Variants in BMP6 observed in about 807,000 individuals in gnomAD.
The protein encoded by BMP6 is bone morphogenetic protein 6.
BMP6 carries 17 observed loss-of-function variants against 54.1 expected under a neutral mutation model. The observed-to-expected ratio is 0.31, with a 90% CI of 0.22 to 0.47. The LOEUF is 0.47. Among genes scored for constraint, BMP6 ranks in the 20% least tolerant of loss-of-function variants. BMP6 has a pLI of 1.00. For missense variants in BMP6, 720 were observed against 690.4 expected (o/e 1.04, Z -0.48); for synonymous variants, 328 against 291.2 (o/e 1.13, Z -1.28).
chr6:7,774,272 G>A (rs1274216105), intron 1 of BMP6, among the ~76,000 whole-genome samples: 3 of 152,214 alleles, frequency 2.0e-5, no homozygotes, highest in African/African-American at 7.2e-5. Context: ...ATAGCAGGCT[G>A]GCTGTGGTGG....
chr6:7,813,512 A>G (rs1407344012), intron 1 of BMP6, among the ~76,000 whole-genome samples: 2 of 146,502 alleles, frequency 1.4e-5, no homozygotes, highest in Non-Finnish European at 3.0e-5. Context: ...GCATGGTGGC[A>G]TGTGCCTGTA....
intron 1 of BMP6, among the ~76,000 whole-genome samples, chr6:7,775,638 T>C (rs1326418925): frequency 6.6e-6 from 1 of 152,220 alleles, no homozygotes; most frequent in African/African-American, 2.4e-5. Flanking sequence ...GGGACCGGGT[T>C]CATGTCCCCA....
intron 1 of BMP6, among the ~76,000 whole-genome samples, chr6:7,730,412 G>A (rs766527892): frequency 1.3e-5 from 2 of 152,148 alleles, no homozygotes; most frequent in Non-Finnish European, 2.9e-5. Flanking sequence ...TTCTAGGATG[G>A]GAATTCTATC....
intron 2 of BMP6, among the ~76,000 whole-genome samples, chr6:7,859,106 G>A (rs773582764): frequency 1.3e-5 from 2 of 151,972 alleles, no homozygotes; most frequent in East Asian, 1.9e-4. Context: ...CTCATCTTCC[G>A]CCTTTGCCCC....
chr6:7,807,482 T>C (rs867924541), intron 1 of BMP6, among the ~76,000 whole-genome samples: 4 of 152,246 alleles, frequency 2.6e-5, no homozygotes, highest in South Asian at 4.2e-4. Context: ...GGTTTCACCA[T>C]GTTGGCCAGA....
chr6:7,820,550 G>C (rs1417146687), intron 1 of BMP6, among the ~76,000 whole-genome samples: 1 of 152,288 alleles, frequency 6.6e-6, no homozygotes. Context: ...CTTATGGCCT[G>C]GGAGCCCTCA....
chr6:7,735,417 T>A (rs558895290), intron 1 of BMP6, among the ~76,000 whole-genome samples: 21 of 152,364 alleles, frequency 1.4e-4, no homozygotes, highest in African/African-American at 4.6e-4. Flanking sequence ...CCCTCCCTCC[T>A]TTTGAATCTA....
At chr6:7,745,925 G>A (rs1245980961) in intron 1 of BMP6, among the ~76,000 whole-genome samples, 2 of 152,082 alleles carry the variant, frequency 1.3e-5, no homozygotes, top group African/African-American at 4.8e-5. Flanking sequence ...CCGAGATTGC[G>A]TCACTACATT....
intron 1 of BMP6, among the ~76,000 whole-genome samples, chr6:7,832,468 C>G (rs1227398915): frequency 1.3e-5 from 2 of 152,048 alleles, no homozygotes; most frequent in Non-Finnish European, 2.9e-5. Flanking sequence ...GCACCTTGGT[C>G]TTAGACTTCC....
At chr6:7,826,760 T>G (rs1758703899) in intron 1 of BMP6, among the ~76,000 whole-genome samples, 1 of 152,032 alleles carries the variant, frequency 6.6e-6, no homozygotes, top group African/African-American at 2.4e-5. Flanking sequence ...CATGATCTTG[T>G]CCCAAATATG....
chr6:7,744,331 C>T (rs1757316457), intron 1 of BMP6, among the ~76,000 whole-genome samples: 1 of 152,188 alleles, frequency 6.6e-6, no homozygotes, highest in Middle Eastern at 3.4e-3. Context: ...CAAAAATTAG[C>T]CTGGTGTGGT....
At chr6:7,763,389 T>A (rs1052840344) in intron 1 of BMP6, among the ~76,000 whole-genome samples, 1 of 152,196 alleles carries the variant, frequency 6.6e-6, no homozygotes, top group African/African-American at 2.4e-5. Context: ...GGCACTCTTA[T>A]GGGAATAAAA....
chr6:7,760,711 G>A (rs1476018078), intron 1 of BMP6, among the ~76,000 whole-genome samples: 1 of 152,138 alleles, frequency 6.6e-6, no homozygotes, highest in Non-Finnish European at 1.5e-5. Context: ...CAGGTGATCT[G>A]CCTGCCTTAG....
At chr6:7,853,886 C>G (rs1759183462) in intron 2 of BMP6, among the ~76,000 whole-genome samples, 1 of 141,952 alleles carries the variant, frequency 7.0e-6, no homozygotes, top group Non-Finnish European at 1.5e-5. Flanking sequence ...TGACTTATAC[C>G]TAGAACGGTC....
chr6:7,834,250 A>G (rs1411458271), intron 1 of BMP6, among the ~76,000 whole-genome samples: 2 of 149,848 alleles, frequency 1.3e-5, no homozygotes, highest in African/African-American at 4.9e-5. Flanking sequence ...ATGAATTTCA[A>G]TTAAAAACTA....
Position 7,727,481 on chromosome 6 carries a change from C to G in BMP6, c.526C>G (p.Pro176Ala), listed in dbSNP as rs757415957. ...CTCGTCCCAGCGTCGGCAGCCGCCCCCGGGCGCCGCGCACCCGCTCAACCG... is the reference window on the plus strand; with the variant it reads ...CTCGTCCCAGCGTCGGCAGCCGCCCGCGGGCGCCGCGCACCCGCTCAACCG... ...ASSSQRRQPP[P>A]GAAHPLNRKS... Residue 176 changes from proline (P) to alanine (A), a missense_variant, in exon 1 of 7, where the codon CCG becomes GCG. This residue lies in a region of BMP6 where 650 missense variants were observed against 556.3 expected (regional missense o/e 1.17). Coordinates refer to ENST00000283147, the MANE Select transcript of BMP6 (RefSeq NM_001718.6). 2.7e-5 allele frequency: 43 copies of G among 1,593,914 alleles called. No homozygotes were observed. Among genetic ancestry groups the G allele is most frequent in the Non-Finnish European group, 3.6e-5 (42 of 1,175,206 alleles).
intron 1 of BMP6, among the ~76,000 whole-genome samples, chr6:7,791,177 G>A (rs1174699168): frequency 6.6e-6 from 1 of 152,204 alleles, no homozygotes; most frequent in African/African-American, 2.4e-5. Flanking sequence ...GGATGGCAAA[G>A]TTCCTTCTTT....
intron 1 of BMP6, among the ~76,000 whole-genome samples, chr6:7,747,292 TA>T (rs1009612151): frequency 6.6e-6 from 1 of 152,206 alleles, no homozygotes; most frequent in African/African-American, 2.4e-5. Context: ...CAGCTGGCCT[TA>T]AAATAGGGAG....
chr6:7,870,745 G>A (rs1271544999), intron 4 of BMP6, among the ~76,000 whole-genome samples: 1 of 152,002 alleles, frequency 6.6e-6, no homozygotes, highest in Non-Finnish European at 1.5e-5. Context: ...CTCCTGCCTC[G>A]GCCTCCCGAG....
Sources: allele counts gnomAD v4.1 joint callset (sites outside exome capture counted in the v4.1 genomes callset), GRCh38; gene constraint gnomAD v4.1.1; regional missense constraint gnomAD v4.1.1; transcripts MANE v1.5; gene names NCBI Gene and HGNC (gene_info 2026-07-23, HGNC 2026-07-21).